Variants in TEX9 observed in about 807,000 individuals in gnomAD.
The protein encoded by TEX9 is testis-expressed protein 9.
TEX9 carries 74 observed loss-of-function variants against 59.6 expected under a neutral mutation model. The ratio of observed to expected loss-of-function variants is 1.24; its 90% CI spans 1.03 to 1.51. TEX9 has a LOEUF of 1.51. Among genes scored for constraint, TEX9 ranks in the 40% most tolerant of loss-of-function variants. The pLI is 0.00. For missense variants in TEX9, 522 were observed against 447.8 expected (o/e 1.17, Z -1.49); for synonymous variants, 186 against 152.2 (o/e 1.22, Z -1.64).
chr15:56,417,731 C>T (rs1369242014), intron 10 of TEX9, among the ~76,000 whole-genome samples: 1 of 151,782 alleles, frequency 6.6e-6, no homozygotes, highest in African/African-American at 2.4e-5. Flanking sequence ...GTTTAGGTTC[C>T]AGATATCTTT....
At chr15:56,422,419 A>G (rs1330372575) in intron 10 of TEX9, among the ~76,000 whole-genome samples, 1 of 151,514 alleles carries the variant, frequency 6.6e-6, no homozygotes, top group African/African-American at 2.4e-5. Flanking sequence ...TTCTTTTTGA[A>G]TTGCTTTTTT....
intron 2 of TEX9, among the ~76,000 whole-genome samples, chr15:56,369,082 T>C (rs1452438980): frequency 6.6e-6 from 1 of 152,146 alleles, no homozygotes; most frequent in Non-Finnish European, 1.5e-5. Context: ...ATATTTCTTT[T>C]ATGGTTATTT....
At chr15:56,322,176 G>C (rs1247914884) in intron 1 of TEX9, among the ~76,000 whole-genome samples, 1 of 152,106 alleles carries the variant, frequency 6.6e-6, no homozygotes, top group African/African-American at 2.4e-5. Flanking sequence ...CTTCAGGTCT[G>C]CGGATCAGCA....
chr15:56,297,578 C>T (rs1373181591), intron 1 of TEX9, among the ~76,000 whole-genome samples: 3 of 152,212 alleles, frequency 2.0e-5, no homozygotes, highest in African/African-American at 7.2e-5. Context: ...GATCTTGGCT[C>T]ACTGCAACCT....
rs371857110 is a variant in TEX9 at position 56,377,352 on chromosome 15, A to C, written c.183+3848A>C. On this transcript the variant is annotated intron_variant, in intron 3 of 12. Transcript: ENST00000352903. ...CTGTAGATTGCTTTGGGTAGTATGGACATTTTAACAATATTGATTTTTCTA... is the reference window on the plus strand; with the variant it reads ...CTGTAGATTGCTTTGGGTAGTATGGCCATTTTAACAATATTGATTTTTCTA... 7.8e-4 allele frequency among the ~76,000 whole-genome samples: 118 copies of C among 152,214 alleles called. 2 individuals are homozygous for C. The highest frequency in any genetic ancestry group is 2.7e-3 in the African/African-American group (114 of 41,548).
chr15:56,372,207 AAGGC>A (rs1429472363), intron 2 of TEX9, among the ~76,000 whole-genome samples: 1 of 152,098 alleles, frequency 6.6e-6, no homozygotes, highest in African/African-American at 2.4e-5. Flanking sequence ...TGGCACTTTA[AAGGC>A]ACCTTTAAGT....
intron 1 of TEX9, among the ~76,000 whole-genome samples, chr15:56,317,141 G>C (rs936398556): frequency 6.6e-6 from 1 of 152,214 alleles, no homozygotes; most frequent in Non-Finnish European, 1.5e-5. Flanking sequence ...GCTGTAGACC[G>C]GAGCTGTTCC....
intron 1 of TEX9, among the ~76,000 whole-genome samples, chr15:56,305,299 C>G (rs2045452654): frequency 2.0e-5 from 3 of 151,968 alleles, no homozygotes; most frequent in Non-Finnish European, 4.4e-5. Flanking sequence ...TATGGAACTA[C>G]AAAAGACCCA....
At chr15:56,297,603 C>T (rs1187787951) in intron 1 of TEX9, among the ~76,000 whole-genome samples, 1 of 152,212 alleles carries the variant, frequency 6.6e-6, no homozygotes, top group African/African-American at 2.4e-5. Flanking sequence ...CTCTCTGGTT[C>T]AAGCGATTCT....
intron 1 of TEX9, among the ~76,000 whole-genome samples, chr15:56,245,194 G>A (rs181132369): frequency 1.3e-5 from 2 of 152,258 alleles, no homozygotes; most frequent in East Asian, 1.9e-4. Flanking sequence ...TGAGTTCTCA[G>A]TTCCCTGCCT....
chr15:56,333,477 T>TATAA (rs1555434038), intron 1 of TEX9, among the ~76,000 whole-genome samples: 1 of 142,248 alleles, frequency 7.0e-6, no homozygotes, highest in African/African-American at 2.6e-5. Flanking sequence ...TCCTTCATGA[T>TATAA]AAAAAAAAAA....
intron 9 of TEX9, chr15:56,409,076 G>A (rs1278247903): frequency 6.6e-6 from 1 of 152,332 alleles, no homozygotes; most frequent in Non-Finnish European, 1.5e-5. Flanking sequence ...GTTGCCTGTA[G>A]TCCCAGCTTC....
At chr15:56,246,839 G>A (rs2043869518) in intron 1 of TEX9, among the ~76,000 whole-genome samples, 3 of 152,186 alleles carry the variant, frequency 2.0e-5, no homozygotes, top group South Asian at 2.1e-4. Flanking sequence ...GGAGTCAGAA[G>A]ACCTGGGAAT....
chr15:56,458,214 C>A, the TEX9 span, among the ~76,000 whole-genome samples: 11,063 of 152,230 alleles, frequency 0.073, 1,384 homozygotes, highest in African/African-American at 0.25. Flanking sequence ...TCACCTTTTA[C>A]AATTCACAAT....
chr15:56,318,345 G>T lies in TEX9; in HGVS notation c.-106-55096G>T, dbSNP rs2045826077. 2.0e-5 allele frequency among the ~76,000 whole-genome samples: 3 copies of T among 151,852 alleles called. No individual in the cohort carries two copies. In the South Asian group the frequency reaches 6.2e-4, roughly 32 times the overall value. ...TCCAATTCTTTTTTGTTTACTGTTTGCATGCTATATGTTTTGTCATCTTTT... is the reference window on the plus strand; with the variant it reads ...TCCAATTCTTTTTTGTTTACTGTTTTCATGCTATATGTTTTGTCATCTTTT... On this transcript the variant is annotated intron_variant, in intron 1 of 5. Transcript: ENST00000560827.
At chr15:56,381,371 C>T (rs1262889833) in intron 3 of TEX9, among the ~76,000 whole-genome samples, 2 of 152,160 alleles carry the variant, frequency 1.3e-5, no homozygotes, top group African/African-American at 4.8e-5. Flanking sequence ...TGAAAGGTCA[C>T]ATGTCTCTGT....
At chr15:56,403,070 G>T (rs1455629505) in intron 9 of TEX9, among the ~76,000 whole-genome samples, 3 of 152,160 alleles carry the variant, frequency 2.0e-5, no homozygotes, top group Admixed American at 1.3e-4. Flanking sequence ...TTTGAAAACT[G>T]GCACAAGAGA....
chr15:56,412,347 C>CA lies in TEX9; in HGVS notation c.877dup (p.Ser293LysfsTer9). On this transcript the variant is annotated frameshift_variant, in exon 10 of 13. Coordinates refer to ENST00000352903, the Ensembl canonical transcript of TEX9. LOFTEE classifies it high-confidence loss of function. ...ACTGCAAAAACAGGCTGCAAGTAGT[C>CA]AAAGTGCCACAGAGGTTCGCTTGAA... 6.2e-7 allele frequency: 1 copy of CA among 1,613,212 alleles called. No individual in the cohort carries two copies. Among genetic ancestry groups the CA allele is most frequent in the East Asian group, 2.2e-5 (1 of 44,844 alleles).
rs574333266 is a variant in TEX9 at position 56,394,614 on chromosome 15, C to G, written c.655-47C>G. Reference sequence around the variant, plus strand: ...CTTTTTTTCTGCTTTGTTTTGATAACAAATCTTACATATTTTTTCACATAA... The same window carrying G: ...CTTTTTTTCTGCTTTGTTTTGATAAGAAATCTTACATATTTTTTCACATAA... On this transcript the variant is annotated intron_variant, in intron 8 of 12. Transcript: ENST00000352903. 80 of 1,342,250 alleles carry G rather than the reference C, an allele frequency of 6.0e-5. No individual in the cohort carries two copies. In the Admixed American group the frequency reaches 7.7e-4, roughly 13 times the overall value. 83.1% of individuals were successfully genotyped at this position (1,342,250 alleles called of 1,614,324 possible). A position where few individuals can be genotyped will look rare whatever the true frequency, so the allele number is the denominator to read the frequency against.
Sources: gnomAD v4.1 joint callset for allele counts (sites outside exome capture counted in the v4.1 genomes callset) on GRCh38, gnomAD v4.1.1 for gene constraint, MANE v1.5 for transcripts, NCBI Gene and HGNC (gene_info 2026-07-23, HGNC 2026-07-21) for gene names.